Variants in LAMA2 observed in about 807,000 individuals in gnomAD.
LAMA2 encodes the protein laminin subunit alpha 2.
LAMA2 carries 269 observed loss-of-function variants against 364.8 expected under a neutral mutation model. The ratio of observed to expected loss-of-function variants is 0.74; its 90% CI spans 0.67 to 0.82. The LOEUF (loss-of-function observed/expected upper bound fraction) is 0.82, where lower values mean the gene tolerates loss of function less well. LAMA2 is among the 40% of genes least tolerant of loss of function. LAMA2 has a pLI of 0.00. For missense variants in LAMA2, 3,807 were observed against 3,873.2 expected (o/e 0.98, Z 0.45); for synonymous variants, 1,379 against 1,370.6 (o/e 1.01, Z -0.14).
At chr6:128,883,452 C>G (rs1775934523) in intron 1 of LAMA2, 95 bp downstream of exon 1, 9 of 1,531,188 alleles carry the variant, frequency 5.9e-6, no homozygotes, top group South Asian at 1.2e-5. Context: ...TGTGGACTGC[C>G]GTCTTGCTTC....
At chr6:129,156,523 C>CT (rs199731028) in intron 8 of LAMA2, among the ~76,000 whole-genome samples, 2,069 of 136,252 alleles carry the variant, frequency 0.015, 36 homozygotes, top group African/African-American at 0.051. Flanking sequence ...TCCTTAATTT[C>CT]TTTTTTTTTT....
chr6:129,500,982 C>G (rs73776194), intron 58 of LAMA2, among the ~76,000 whole-genome samples: 5,181 of 152,268 alleles, frequency 0.034, 192 homozygotes, highest in African/African-American at 0.089. Flanking sequence ...ATCCATCCAC[C>G]TTTCTTAATC....
intron 1 of LAMA2, chr6:128,929,896 TG>T: frequency 2.3e-6 from 2 of 879,328 alleles, no homozygotes; most frequent in Non-Finnish European, 3.8e-6. Flanking sequence ...GCTGAGTGTA[TG>T]GGATGTGCAG....
At chr6:129,252,373 T>C in intron 14 of LAMA2, 78 bp downstream of exon 14, 2 of 1,040,670 alleles carry the variant, frequency 1.9e-6, no homozygotes, top group Non-Finnish European at 3.0e-6. Flanking sequence ...CAGGAGTGAA[T>C]TTTTTAAGGC....
At chr6:129,415,219 A>C (rs1237414086) in intron 40 of LAMA2, among the ~76,000 whole-genome samples, 2 of 152,140 alleles carry the variant, frequency 1.3e-5, no homozygotes, top group Non-Finnish European at 2.9e-5. Flanking sequence ...CATTTTATCT[A>C]TAACCATAAT....
intron 1 of LAMA2, among the ~76,000 whole-genome samples, chr6:128,952,642 G>A (rs2114572067): frequency 6.6e-6 from 1 of 152,228 alleles, no homozygotes; most frequent in South Asian, 2.1e-4. Flanking sequence ...ACAAGTAGAA[G>A]AGTCACACTT....
At chr6:129,293,040 C>T in intron 20 of LAMA2, 4 of 985,906 alleles carry the variant, frequency 4.1e-6, no homozygotes, top group Non-Finnish European at 4.8e-6. Flanking sequence ...CGGGTGCCCT[C>T]GGGGAGCCTA....
chr6:129,396,540 A>G (rs139366013), intron 37 of LAMA2, among the ~76,000 whole-genome samples: 128 of 152,332 alleles, frequency 8.4e-4, no homozygotes, highest in Non-Finnish European at 1.4e-3. Flanking sequence ...GAGCCAGATC[A>G]TAGAAGGCTT....
intron 52 of LAMA2, 53 bp downstream of exon 52, chr6:129,473,405 T>A: frequency 6.6e-7 from 1 of 1,520,222 alleles, no homozygotes; most frequent in Middle Eastern, 1.7e-4. Context: ...AAATGACCAC[T>A]ATGCTCACTA....
At chr6:129,288,510 G>T (rs753509091) in intron 19 of LAMA2, among the ~76,000 whole-genome samples, 1 of 152,094 alleles carries the variant, frequency 6.6e-6, no homozygotes. Context: ...TTACAGTGTC[G>T]TATTTTGTAA....
intron 22 of LAMA2, among the ~76,000 whole-genome samples, chr6:129,310,796 G>A (rs1750774193): frequency 6.6e-6 from 1 of 152,168 alleles, no homozygotes; most frequent in African/African-American, 2.4e-5. Context: ...CTCCCCACTT[G>A]CAGCAAAGCT....
At chr6:129,031,224 T>C (rs4295506) in intron 1 of LAMA2, among the ~76,000 whole-genome samples, 86,085 of 152,094 alleles carry the variant, frequency 0.57, 28,709 homozygotes, top group East Asian at 0.96. Context: ...TTCATAGATA[T>C]ACTAAAGCTG....
chr6:129,013,896 G>A (rs1032074972), intron 1 of LAMA2, among the ~76,000 whole-genome samples: 8 of 152,044 alleles, frequency 5.3e-5, no homozygotes, highest in Non-Finnish European at 7.4e-5. Flanking sequence ...GATGAGATAG[G>A]TTTCATGAAA....
intron 23 of LAMA2, among the ~76,000 whole-genome samples, chr6:129,313,998 A>G (rs894883878): frequency 6.6e-6 from 1 of 152,234 alleles, no homozygotes; most frequent in Admixed American, 6.5e-5. Context: ...ACAGCTTACA[A>G]TAGCACCACT....
chr6:129,037,744 A>G (rs1288722372), intron 1 of LAMA2, among the ~76,000 whole-genome samples: 1 of 146,990 alleles, frequency 6.8e-6, no homozygotes, highest in African/African-American at 2.5e-5. Context: ...ATCTCTGCTC[A>G]CTGCAAGCTC....
At chr6:128,896,173 C>A (rs1776759095) in intron 1 of LAMA2, among the ~76,000 whole-genome samples, 1 of 151,850 alleles carries the variant, frequency 6.6e-6, no homozygotes, top group Non-Finnish European at 1.5e-5. Context: ...TTTAGTATCA[C>A]TATTTAAATG....
rs77216422 is a variant in LAMA2, at chr6:129,401,108, A to G, written c.5446-116A>G. ...ATTTTTCTCATCTAGCCACATTTCA[A>G]CATGATGTACCTTTTTTGCTAAGCT... On this transcript the variant is annotated intron_variant, in intron 37 of 64. Coordinates refer to ENST00000421865, the MANE Select transcript of LAMA2 (RefSeq NM_000426.4). 2.4e-3 allele frequency: 1,865 copies of G among 786,160 alleles called. 30 individuals are homozygous for G. In the African/African-American group the frequency reaches 0.027, roughly 12 times the overall value. The allele number at this position is 786,160 out of a possible 1,614,324, so 48.7% of individuals were successfully genotyped here. A position where few individuals can be genotyped will look rare whatever the true frequency, so the allele number is the denominator to read the frequency against.
chr6:129,502,122 G>T (rs1346073799), intron 58 of LAMA2, among the ~76,000 whole-genome samples: 1 of 152,158 alleles, frequency 6.6e-6, no homozygotes, highest in Non-Finnish European at 1.5e-5. Flanking sequence ...AACTGGCAAG[G>T]GCCTGAATGG....
intron 30 of LAMA2, among the ~76,000 whole-genome samples, chr6:129,344,907 C>T (rs1435969320): frequency 3.3e-5 from 5 of 152,074 alleles, no homozygotes; most frequent in Admixed American, 1.3e-4. Context: ...GCACTGGCTT[C>T]GGAGAAAAGA....
Sources: allele counts gnomAD v4.1 joint callset (sites outside exome capture counted in the v4.1 genomes callset), GRCh38; gene constraint gnomAD v4.1.1; transcripts MANE v1.5; gene names NCBI Gene and HGNC (gene_info 2026-07-23, HGNC 2026-07-21).